Variants in OPCML observed in about 807,000 individuals in gnomAD.
OPCML encodes opioid binding protein/cell adhesion molecule like.
In OPCML, 13 loss-of-function variants were observed where a neutral mutation model predicts 37.8. That is an observed-to-expected ratio of 0.34 (90% CI 0.22 to 0.55). The LOEUF is 0.55. Ranked by LOEUF, OPCML falls within the 20% of genes least tolerant of loss-of-function variation. The pLI is 0.91. For missense variants in OPCML, 341 were observed against 435.6 expected (o/e 0.78, Z 1.93); for synonymous variants, 176 against 168.8 (o/e 1.04, Z -0.33).
intron 1 of OPCML, among the ~76,000 whole-genome samples, chr11:133,442,492 CT>C (rs2136941808): frequency 6.6e-6 from 1 of 152,148 alleles, no homozygotes; most frequent in East Asian, 1.9e-4. Context: ...CAAAAGAATG[CT>C]TATGGCACCA....
chr11:133,191,996 T>C (rs1353194803), intron 1 of OPCML, among the ~76,000 whole-genome samples: 4 of 152,198 alleles, frequency 2.6e-5, no homozygotes, highest in Admixed American at 2.0e-4. Flanking sequence ...CTGTTTTTAG[T>C]TCTGAGACAA....
In OPCML at chr11:133,065,292, A is replaced by G. The variant is rs191438574; in HGVS notation, c.62-122282T>C. 4.0e-3 allele frequency: 608 copies of G among 152,320 alleles called. 2 individuals are homozygous for G. Among genetic ancestry groups the G allele is most frequent in the Non-Finnish European group, 6.5e-3 (445 of 68,066 alleles). 9.4% of individuals were successfully genotyped at this position (152,320 alleles called of 1,614,324 possible). ...TGTGCAGATGCCCACCAAGGGAACA[A>G]GGTCAGAAGGAGCCATGGCTCCAGA... On this transcript the variant is annotated intron_variant, in intron 1 of 7. Coordinates refer to ENST00000524381, the MANE Select transcript of OPCML (RefSeq NM_001012393.5).
intron 1 of OPCML, among the ~76,000 whole-genome samples, chr11:133,200,947 G>A (rs1250379594): frequency 6.6e-6 from 1 of 152,146 alleles, no homozygotes; most frequent in Non-Finnish European, 1.5e-5. Flanking sequence ...ATACTACAAA[G>A]CCATAAAAAG....
At chr11:133,384,553 T>C (rs189948957) in intron 1 of OPCML, among the ~76,000 whole-genome samples, 20 of 152,300 alleles carry the variant, frequency 1.3e-4, no homozygotes, top group Admixed American at 1.2e-3. Context: ...GAAAATCAAA[T>C]TGAGATGCAA....
rs1376220344 is a variant in OPCML, at chr11:133,177,044, G to A, written c.62-234034C>T. 1.3e-5 allele frequency among the ~76,000 whole-genome samples: 2 copies of A among 152,196 alleles called. No individual in the cohort carries two copies. The highest frequency in any genetic ancestry group is 4.8e-5 in the African/African-American group (2 of 41,444). ...CCATCATCCTGCCAGCGGGACCCTG[G>A]CAACACCAAGTTGCTCAGCACCTTC... is the stretch of plus-strand genomic sequence containing the variant. On this transcript the variant is annotated intron_variant, in intron 1 of 7. Coordinates refer to ENST00000524381, the MANE Select transcript of OPCML (RefSeq NM_001012393.5). This position sits in a 1 kb window ranked among gnomAD's most constrained non-coding sequence, Gnocchi z 5.0.
chr11:132,916,976 A>T (rs914871546), intron 2 of OPCML, among the ~76,000 whole-genome samples: 45 of 152,128 alleles, frequency 3.0e-4, no homozygotes, highest in Non-Finnish European at 1.9e-4. Flanking sequence ...GCTTCCCATG[A>T]GGTCCCAGAG....
chr11:133,181,181 A>G (rs956396848), intron 1 of OPCML, among the ~76,000 whole-genome samples: 1 of 152,184 alleles, frequency 6.6e-6, no homozygotes, highest in African/African-American at 2.4e-5. Flanking sequence ...GTGTTTGTGA[A>G]CACACGGGTC....
At chr11:133,198,900 T>C (rs985450908) in intron 1 of OPCML, among the ~76,000 whole-genome samples, 1 of 152,192 alleles carries the variant, frequency 6.6e-6, no homozygotes, top group Non-Finnish European at 1.5e-5. Flanking sequence ...AGATAGTATA[T>C]GAATCCCTAA....
At chr11:132,626,589 T>G (rs946111603) in intron 3 of OPCML, among the ~76,000 whole-genome samples, 3 of 152,108 alleles carry the variant, frequency 2.0e-5, no homozygotes, top group Non-Finnish European at 4.4e-5. Context: ...TCTATATGAA[T>G]GAATTTTTCT....
intron 1 of OPCML, among the ~76,000 whole-genome samples, chr11:133,400,600 G>A (rs1592266397): frequency 1.3e-5 from 2 of 152,084 alleles, no homozygotes; most frequent in African/African-American, 4.8e-5. Context: ...AGCTAAAATG[G>A]CAAACTTTAT....
chr11:132,594,092 T>G (rs1282303333), intron 3 of OPCML, among the ~76,000 whole-genome samples: 1 of 152,186 alleles, frequency 6.6e-6, no homozygotes, highest in Non-Finnish European at 1.5e-5. Flanking sequence ...TGCTTAGCTA[T>G]GATTTTGTTC....
At chr11:132,443,117 C>T (rs1019356724) in intron 4 of OPCML, among the ~76,000 whole-genome samples, 5 of 152,310 alleles carry the variant, frequency 3.3e-5, no homozygotes, top group Admixed American at 6.5e-5. Context: ...GCAGAAGCTG[C>T]GCTGAGATAA....
intron 2 of OPCML, among the ~76,000 whole-genome samples, chr11:132,760,673 A>C (rs1946231150): frequency 1.4e-5 from 2 of 145,290 alleles, no homozygotes; most frequent in African/African-American, 2.6e-5. Context: ...CTCCATCCCT[A>C]TATTTTGAGC....
At chr11:132,642,060 A>T (rs1224020292) in intron 3 of OPCML, among the ~76,000 whole-genome samples, 2 of 152,236 alleles carry the variant, frequency 1.3e-5, no homozygotes, top group African/African-American at 4.8e-5. Flanking sequence ...AGGGAAATTC[A>T]TTACCAATGA....
intron 4 of OPCML, among the ~76,000 whole-genome samples, chr11:132,513,165 G>C (rs752285490): frequency 6.6e-6 from 1 of 152,094 alleles, no homozygotes; most frequent in Non-Finnish European, 1.5e-5. Flanking sequence ...GTTAAGAGAA[G>C]AAGCCTATTT....
In OPCML at chr11:132,999,164, C is replaced by T. The variant is rs367972499; in HGVS notation, c.62-56154G>A. ...AGTCCTGCCCTATCTGGCAGGAGCTCTTCTCAGCTCATCATAGGGATGAGC... is the reference window on the plus strand; with the variant it reads ...AGTCCTGCCCTATCTGGCAGGAGCTTTTCTCAGCTCATCATAGGGATGAGC... On this transcript the variant is annotated intron_variant, in intron 1 of 7. Transcript: ENST00000524381. Among the ~76,000 whole-genome samples the T allele has an allele frequency of 2.7e-4, 41 of 152,276 alleles. No homozygotes were observed. The East Asian group carries it at 5.4e-3, about 20-fold the overall frequency.
intron 7 of OPCML, among the ~76,000 whole-genome samples, chr11:132,431,699 G>T (rs2095997517): frequency 6.6e-6 from 1 of 152,132 alleles, no homozygotes; most frequent in South Asian, 2.1e-4. Flanking sequence ...TTTCAAAATT[G>T]CTTATATCCC....
intron 1 of OPCML, among the ~76,000 whole-genome samples, chr11:133,126,007 GAC>G (rs1454779230): frequency 2.0e-5 from 3 of 147,926 alleles, no homozygotes; most frequent in Non-Finnish European, 3.0e-5. Flanking sequence ...TACATGTATA[GAC>G]ACATATGTGT....
rs908516917 is a variant in OPCML, at chr11:133,008,014, G to A, written c.62-65004C>T. ...CATATGCTTCAAGTGCATTGCAGGT[G>A]CTGTGTCAAGAGAGCTGTCTCATTG... is the stretch of plus-strand genomic sequence containing the variant. On this transcript the variant is annotated intron_variant, in intron 1 of 7. Transcript: ENST00000524381. 1.3e-5 allele frequency: 13 copies of A among 985,366 alleles called. No homozygotes were observed. The African/African-American group carries it at 2.3e-4, about 17-fold the overall frequency. 61.0% of individuals were successfully genotyped at this position (985,366 alleles called of 1,614,324 possible).
Sources: gnomAD v4.1 joint callset for allele counts (sites outside exome capture counted in the v4.1 genomes callset) on GRCh38, gnomAD v4.1.1 for gene constraint, Gnocchi (gnomAD v3.1) non-coding constraint, MANE v1.5 for transcripts, NCBI Gene and HGNC (gene_info 2026-07-23, HGNC 2026-07-21) for gene names.